Variants in CBLN2 observed in about 807,000 individuals in gnomAD.
CBLN2 encodes cerebellin 2 precursor.
Under a neutral mutation model 15.0 loss-of-function variants are expected in CBLN2, and 7 were observed. The ratio of observed to expected loss-of-function variants is 0.47; its 90% CI spans 0.27 to 0.88. The LOEUF is 0.88. Among genes scored for constraint, CBLN2 ranks in the 40% least tolerant of loss-of-function variants. The probability of loss-of-function intolerance (pLI) is 0.14; values close to 1 mark genes in which losing one functional copy is unlikely to be tolerated. For synonymous variants in CBLN2, 149 were observed against 135.2 expected, an observed-to-expected ratio of 1.10 and a Z score of -0.71; for missense variants, 242 against 304.5, an observed-to-expected ratio of 0.79 and a Z score of 1.53.
At chr18:72,573,159 C>T (rs780245260) in intron 1 of CBLN2, among the ~76,000 whole-genome samples, 6 of 152,178 alleles carry the variant, frequency 3.9e-5, no homozygotes, top group Non-Finnish European at 8.8e-5. Context: ...CTGCTCAGAT[C>T]CTGTTGTTAA....
chr18:72,611,076 AT>A (rs964754683), intron 1 of CBLN2, among the ~76,000 whole-genome samples: 1 of 152,046 alleles, frequency 6.6e-6, no homozygotes, highest in Non-Finnish European at 1.5e-5. Flanking sequence ...ATTATTTCAT[AT>A]TTTTTATGGC....
chr18:72,626,204 A>G (rs1401717897), intron 1 of CBLN2, among the ~76,000 whole-genome samples: 1 of 152,138 alleles, frequency 6.6e-6, no homozygotes, highest in Non-Finnish European at 1.5e-5. Context: ...TTTACAAAGA[A>G]GAATAAGAAA....
chr18:72,630,532 T>C (rs1599031206), intron 1 of CBLN2, among the ~76,000 whole-genome samples: 1 of 106,692 alleles, frequency 9.4e-6, no homozygotes. Context: ...CCTGCACAAC[T>C]CACAACCCTC....
At chr18:72,611,944 ATTC>A (rs1285855306) in intron 1 of CBLN2, among the ~76,000 whole-genome samples, 1 of 152,158 alleles carries the variant, frequency 6.6e-6, no homozygotes, top group Non-Finnish European at 1.5e-5. Flanking sequence ...ATCCAGTTTC[ATTC>A]TTCTATATAT....
Position 72,538,169 on chromosome 18 carries a change from T to C in CBLN2, c.*7A>G, listed in dbSNP as rs558634017. 6.2e-7 allele frequency: 1 copy of C among 1,614,086 alleles called. No homozygotes were observed. The highest frequency in any genetic ancestry group is 1.1e-5 in the South Asian group (1 of 91,080). On this transcript the variant is annotated 3_prime_UTR_variant, in exon 5 of 5. Coordinates refer to ENST00000269503, the MANE Select transcript of CBLN2 (RefSeq NM_182511.4). ...GCCATTCCCCCACCATCTAGGGGGC[T>C]CTGTGTTTATAGAGGAAACACCAAG...
intron 1 of CBLN2, among the ~76,000 whole-genome samples, chr18:72,602,165 AC>A (rs1381336999): frequency 6.6e-6 from 1 of 152,144 alleles, no homozygotes; most frequent in Non-Finnish European, 1.5e-5. Context: ...TGCTAGTGGG[AC>A]TTTTAGATGT....
At position 72,583,454 on chromosome 18, in the gene CBLN2, A is replaced by G. The variant is rs1278700923; in HGVS notation, c.16-44682T>C. On this transcript the variant is annotated intron_variant, in intron 1 of 2. Transcript: ENST00000581073. ...ACTTTGGGGGCTCAATACTGCTCCC[A>G]GAGTGTTACCAAATCTGGAACTCTG... 5.9e-5 allele frequency among the ~76,000 whole-genome samples: 9 copies of G among 152,306 alleles called. No individual in the cohort carries two copies. In the East Asian group the frequency reaches 1.4e-3, roughly 23 times the overall value.
Position 72,538,686 on chromosome 18 carries a change from G to A in CBLN2, c.444C>T (p.His148=), listed in dbSNP as rs768987187. 105 of 1,613,848 alleles carry A rather than the reference G, an allele frequency of 6.5e-5. No individual in the cohort carries two copies. Among genetic ancestry groups the A allele is most frequent in the Non-Finnish European group, 8.6e-5 (101 of 1,180,014 alleles). The change falls in exon 4 of 5, where the codon CAC becomes CAT. Residue 148 remains histidine (H), a synonymous_variant. Coordinates refer to ENST00000269503, the MANE Select transcript of CBLN2 (RefSeq NM_182511.4). Reference sequence around the variant, plus strand: ...TTTGTCTGTTATACACTTTGACCACGTGGAAGCTGAAGCTATAAATCCCTT... The same window carrying A: ...TTTGTCTGTTATACACTTTGACCACATGGAAGCTGAAGCTATAAATCCCTT... ...PRKGIYSFSF[H]VVKVYNRQTI... is the part of the protein sequence containing the mutation.
intron 1 of CBLN2, among the ~76,000 whole-genome samples, chr18:72,554,356 CA>C (rs1007040281): frequency 6.6e-6 from 1 of 151,598 alleles, no homozygotes; most frequent in South Asian, 2.1e-4. Flanking sequence ...TTCTGCAAAA[CA>C]AAAAAAGCAT....
intron 1 of CBLN2, among the ~76,000 whole-genome samples, chr18:72,577,169 A>G (rs1417592461): frequency 2.7e-5 from 4 of 150,888 alleles, no homozygotes; most frequent in Non-Finnish European, 5.9e-5. Context: ...TTTCAATACT[A>G]TATAAACATA....
At chr18:72,541,560 G>A (rs913396422) in intron 3 of CBLN2, among the ~76,000 whole-genome samples, 2 of 152,138 alleles carry the variant, frequency 1.3e-5, no homozygotes, top group Non-Finnish European at 1.5e-5. Context: ...ACAGCCTTAA[G>A]GGACTCTCAG....
At chr18:72,620,874 C>A (rs1028540288) in intron 1 of CBLN2, among the ~76,000 whole-genome samples, 2 of 152,122 alleles carry the variant, frequency 1.3e-5, no homozygotes, top group Non-Finnish European at 2.9e-5. Flanking sequence ...TGGCCCCAGT[C>A]ATAAACGTGT....
chr18:72,573,724 G>T (rs2069346500), intron 1 of CBLN2, among the ~76,000 whole-genome samples: 1 of 152,060 alleles, frequency 6.6e-6, no homozygotes, highest in African/African-American at 2.4e-5. Flanking sequence ...TTCAAGTTTT[G>T]GAAATTATGG....
chr18:72,627,464 C>T (rs2069747747), intron 1 of CBLN2, among the ~76,000 whole-genome samples: 1 of 152,190 alleles, frequency 6.6e-6, no homozygotes, highest in Non-Finnish European at 1.5e-5. Flanking sequence ...TAGGACTATG[C>T]GTTGCTCAAA....
At chr18:72,551,799 G>A (rs1241254981) in intron 1 of CBLN2, among the ~76,000 whole-genome samples, 2 of 152,144 alleles carry the variant, frequency 1.3e-5, no homozygotes, top group African/African-American at 4.8e-5. Context: ...AATTAGCACG[G>A]CTTAATATTT....
chr18:72,637,042 A>C (rs1182844668), intron 1 of CBLN2, among the ~76,000 whole-genome samples: 2 of 53,016 alleles, frequency 3.8e-5, no homozygotes, highest in Admixed American at 4.4e-4. Flanking sequence ...ACAAAACTGC[A>C]AAAAAAAAAA....
intron 1 of CBLN2, among the ~76,000 whole-genome samples, chr18:72,620,883 G>GT (rs2069696225): frequency 6.6e-6 from 1 of 152,078 alleles, no homozygotes; most frequent in Admixed American, 6.6e-5. Flanking sequence ...TCATAAACGT[G>GT]TTTTTTCACA....
intron 1 of CBLN2, among the ~76,000 whole-genome samples, chr18:72,551,170 AC>A (rs1378051599): frequency 6.6e-6 from 1 of 152,172 alleles, no homozygotes; most frequent in African/African-American, 2.4e-5. Flanking sequence ...CTTATTAAAT[AC>A]AAATTTTAGG....
chr18:72,637,320 T>A (rs1030108831), intron 1 of CBLN2, among the ~76,000 whole-genome samples: 19 of 151,566 alleles, frequency 1.3e-4, no homozygotes, highest in Admixed American at 2.6e-4. Flanking sequence ...TTACATGGTA[T>A]GAACTGGTTA....
Sources: gnomAD v4.1 joint callset for allele counts (sites outside exome capture counted in the v4.1 genomes callset) on GRCh38, gnomAD v4.1.1 for gene constraint, MANE v1.5 for transcripts, NCBI Gene and HGNC (gene_info 2026-07-23, HGNC 2026-07-21) for gene names.